DHX37: variants seen among roughly 807,000 people sequenced by gnomAD.
DHX37 encodes the protein DEAH-box helicase 37, also known as probable ATP-dependent RNA helicase DHX37.
In DHX37, 52 loss-of-function variants were observed where a neutral mutation model predicts 134.3. The observed-to-expected ratio is 0.39, with a 90% confidence interval of 0.31 to 0.49. The LOEUF (loss-of-function observed/expected upper bound fraction) is 0.49. DHX37 is among the 20% of genes least tolerant of loss of function. The pLI is 0.93. For missense variants in DHX37, 1,344 were observed against 1,580.8 expected (o/e 0.85, Z 2.54); for synonymous variants, 634 against 670.7 (o/e 0.95, Z 0.85).
chr12:124,974,896 C>T (rs537899597), intron 6 of DHX37, among the ~76,000 whole-genome samples: 2 of 152,160 alleles, frequency 1.3e-5, no homozygotes, highest in Non-Finnish European at 2.9e-5. Context: ...CCTGCCTTAA[C>T]CTCCCGAGTA....
At chr12:124,961,334 G>A (rs112512463) in intron 15 of DHX37, among the ~76,000 whole-genome samples, 24 of 150,982 alleles carry the variant, frequency 1.6e-4, no homozygotes, top group African/African-American at 5.9e-4. Flanking sequence ...ACACGTGCAC[G>A]CACACACACA....
At chr12:124,970,960 T>C (rs1954509738) in intron 8 of DHX37, among the ~76,000 whole-genome samples, 1 of 152,232 alleles carries the variant, frequency 6.6e-6, no homozygotes, top group African/African-American at 2.4e-5. Context: ...GCCCACCTGC[T>C]CTGCTGATCC....
Position 124,966,819 on chromosome 12 carries a change from C to T in DHX37, c.1564G>A (p.Ala522Thr), listed in dbSNP as rs1272385141. The change falls in exon 12 of 27, where the codon GCC becomes ACC. Residue 522 changes from alanine to threonine, a missense_variant. By Grantham distance (58) the Ala-to-Thr change is moderately conservative. Around this residue, in one of 7 missense-constraint regions of DHX37, gnomAD observed 289 missense variants for 323.8 expected, o/e 0.89. Coordinates refer to ENST00000308736, the MANE Select transcript of DHX37 (RefSeq NM_032656.4). Reference protein sequence around the residue: ...EEMRKFKKSRARAKKARAEVL... With the variant: ...EEMRKFKKSRTRAKKARAEVL... ...TCAGCCCGCGCCTTCTTGGCCCTGG[C>T]CCTTGACTTCTTAAACTTCCGCATT... 8 of 1,614,144 alleles carry T rather than the reference C, an allele frequency of 5.0e-6. No homozygotes were observed. Among genetic ancestry groups the T allele is most frequent in the East Asian group, 2.2e-5 (1 of 44,896 alleles).
chr12:124,967,142 G>T lies in DHX37; in HGVS notation c.1485C>A (p.Pro495=), dbSNP rs1386627962. The T allele has an allele frequency of 1.9e-6, 3 of 1,613,788 alleles. No homozygotes were observed. The highest frequency in any genetic ancestry group is 1.7e-6 in the Non-Finnish European group (2 of 1,180,034). ...CTTTACCTTGTGGCCGGGCTCTGGA[G>T]GGTGGGAAAGCCTTCCTGAGCCTGC... The part of the protein sequence containing the change: ...LCRRLRKAFP[P]SRARPQEKDD... Residue 495 remains proline (P), a synonymous_variant, in exon 11 of 27, where the codon CCC becomes CCA. Transcript: ENST00000308736.
At chr12:124,970,452 G>A (rs1001693224) in intron 8 of DHX37, among the ~76,000 whole-genome samples, 9 of 152,176 alleles carry the variant, frequency 5.9e-5, no homozygotes, top group African/African-American at 1.7e-4. Context: ...GCAGACGCCC[G>A]CCTCAGGACC....
chr12:124,955,316 G>A (rs1954070218), intron 18 of DHX37, among the ~76,000 whole-genome samples: 1 of 152,236 alleles, frequency 6.6e-6, no homozygotes, highest in Non-Finnish European at 1.5e-5. Context: ...TCTGCTGACT[G>A]CGTGAGCTGG....
intron 7 of DHX37, among the ~76,000 whole-genome samples, chr12:124,972,147 T>A (rs886288905): frequency 1.4e-4 from 22 of 152,342 alleles, no homozygotes; most frequent in African/African-American, 5.3e-4. Context: ...GGGCAGAGCC[T>A]GCACACCACA....
chr12:124,977,628 G>C (rs1954673216), intron 4 of DHX37, 138 bp from the exon 5 acceptor site: 2 of 1,008,168 alleles, frequency 2.0e-6, no homozygotes, highest in South Asian at 2.2e-5. Context: ...AGCTGGGGAG[G>C]GGACCAGGAG....
chr12:124,961,334 GCA>G (rs72419893), intron 15 of DHX37, among the ~76,000 whole-genome samples: 28,312 of 150,860 alleles, frequency 0.19, 4,247 homozygotes, highest in African/African-American at 0.42. Flanking sequence ...ACACGTGCAC[GCA>G]CACACACACA....
chr12:124,970,121 C>T (rs927526633), intron 8 of DHX37, among the ~76,000 whole-genome samples: 2 of 152,146 alleles, frequency 1.3e-5, no homozygotes, highest in Non-Finnish European at 2.9e-5. Flanking sequence ...TACAGGTGTG[C>T]GCCACCAGGC....
Position 124,980,886 on chromosome 12 carries a change from C to A in DHX37, c.390-48G>T, listed in dbSNP as rs1256804256. 1.3e-6 allele frequency: 2 copies of A among 1,530,456 alleles called. No homozygotes were observed. The highest frequency in any genetic ancestry group is 1.7e-6 in the Non-Finnish European group (2 of 1,143,706). The allele number at this position is 1,530,456 out of a possible 1,614,324, so 94.8% of individuals were successfully genotyped here. ...AGGCACAGAGGCCCCACCTCAATCC[C>A]AGAGGTCAGGACTCCAAGGCCATAC... On this transcript the variant is annotated intron_variant, in intron 3 of 26. Transcript: ENST00000308736. This position sits in a 1 kb window ranked among gnomAD's most constrained non-coding sequence, Gnocchi z 5.3.
chr12:124,957,176 A>C (rs1422987440), intron 16 of DHX37, 41 bp from the exon 17 acceptor site: 1 of 1,461,722 alleles, frequency 6.8e-7, no homozygotes, highest in African/African-American at 1.5e-5. Flanking sequence ...GGTGAATGCC[A>C]AGAACAAGTC....
In DHX37 at chr12:124,952,436, C is replaced by T. The variant is rs772529799; in HGVS notation, c.2830G>A (p.Glu944Lys). The change falls in exon 21 of 27, where the codon GAG (glutamate) becomes AAG (lysine). Residue 944 changes from glutamate to lysine, a missense_variant. Around this residue, in one of 7 missense-constraint regions of DHX37, gnomAD observed 558 missense variants for 650.0 expected, o/e 0.86. Coordinates refer to ENST00000308736, the MANE Select transcript of DHX37 (RefSeq NM_032656.4). The part of the protein sequence containing the change: ...GDHLARRVQS[E>K]EMLEDKWRNA... ...CTCCACTTGTCCTCCAGCATCTCCT[C>T]GCTCTGGACCCTGCGGGCCAAGTGG... The T allele has an allele frequency of 3.4e-5, 54 of 1,610,948 alleles. No homozygotes were observed. The East Asian group carries it at 6.0e-4, about 18-fold the overall frequency.
chr12:124,985,314 G>A (rs1252928533), intron 2 of DHX37, among the ~76,000 whole-genome samples: 1 of 152,128 alleles, frequency 6.6e-6, no homozygotes, highest in Non-Finnish European at 1.5e-5. Context: ...TTGACCAGGG[G>A]CTGATCAATG....
rs557653535 is a variant in DHX37 at position 124,957,492 on chromosome 12, T to C, written c.2158-357A>G. ...GCCACAGGTAGTCAGTGAGGCATAA[T>C]ACGAATAAATTGGCCTGGTGCGGTG... is the stretch of plus-strand genomic sequence containing the variant. On this transcript the variant is annotated intron_variant, in intron 16 of 26. Transcript: ENST00000308736. Among the ~76,000 whole-genome samples the C allele has an allele frequency of 3.3e-5, 5 of 152,264 alleles. No homozygotes were observed. The East Asian group carries it at 9.7e-4, about 29-fold the overall frequency.
chr12:124,983,418 TACACACACACACAC>T (rs141343765), intron 2 of DHX37, among the ~76,000 whole-genome samples: 2 of 148,106 alleles, frequency 1.4e-5, no homozygotes, highest in Admixed American at 1.4e-4. Context: ...ATGTGTGTAT[TACACACACACACAC>T]ACACACACAC....
In DHX37 at chr12:124,980,832, A is replaced by G. The variant is rs763250966; in HGVS notation, c.396T>C (p.Ala132=). 6.4e-7 allele frequency: 1 copy of G among 1,551,618 alleles called. No individual in the cohort carries two copies. Among genetic ancestry groups the G allele is most frequent in the Non-Finnish European group, 8.7e-7 (1 of 1,151,856 alleles). The change falls in exon 4 of 27, where the codon GCT becomes GCC. Residue 132 remains alanine, a synonymous_variant. Transcript: ENST00000308736. The surrounding 1 kb of genome is among the most constrained non-coding windows in gnomAD (Gnocchi z 5.3). The stretch of plus-strand genomic sequence containing the variant: ...CCTGGCCCGGGGCTACCACCTCGTC[A>G]GCCTTCCTGTTGAGATAGCAGAGAC... ...GNRMYHTKEK[A]DEVVAPGQEK...
rs899651568 is a variant in DHX37, at chr12:124,980,427, C to T, written c.738+63G>A. 1.6e-4 allele frequency: 247 copies of T among 1,550,280 alleles called. 1 individual carries two copies. Among genetic ancestry groups the T allele is most frequent in the Middle Eastern group, 4.5e-4 (2 of 4,416 alleles). ...ATGCCCTTGCCCCACTTCACCAGGA[C>T]GCCCTCTGTGCGCCCCTTGCCCGCT... On this transcript the variant is annotated intron_variant, in intron 4 of 26. Transcript: ENST00000308736. This position sits in a 1 kb window ranked among gnomAD's most constrained non-coding sequence, Gnocchi z 5.3.
chr12:124,967,118 T>C lies in DHX37; in HGVS notation c.1504+5A>G. On this transcript the variant is annotated splice_donor_5th_base_variant and intron_variant, in intron 11 of 26. Transcript: ENST00000308736. The stretch of plus-strand genomic sequence containing the variant: ...GCAGAGTGCTGGTCGGGGCGTCCTC[T>C]TTACCTTGTGGCCGGGCTCTGGAGG... 6.2e-7 allele frequency: 1 copy of C among 1,613,578 alleles called. No individual in the cohort carries two copies. The highest frequency in any genetic ancestry group is 8.5e-7 in the Non-Finnish European group (1 of 1,179,986).
Sources: gnomAD v4.1 joint callset for allele counts (sites outside exome capture counted in the v4.1 genomes callset) on GRCh38, gnomAD v4.1.1 for gene constraint, gnomAD v4.1.1 regional missense constraint, Gnocchi (gnomAD v3.1) non-coding constraint, MANE v1.5 for transcripts, NCBI Gene and HGNC (gene_info 2026-07-23, HGNC 2026-07-21) for gene names.